The following TNRC18 variants were observed in gnomAD, a reference collection of about 807,000 sequenced individuals.
TNRC18 encodes the protein trinucleotide repeat-containing gene 18 protein.
In TNRC18, 69 loss-of-function variants were observed where a neutral mutation model predicts 226.7. The ratio of observed to expected loss-of-function variants is 0.30; its 90% CI spans 0.25 to 0.37. The LOEUF (loss-of-function observed/expected upper bound fraction) is 0.37. Among genes scored for constraint, TNRC18 ranks in the 10% least tolerant of loss-of-function variants. TNRC18 has a pLI of 1.00. For missense variants in TNRC18, 4,754 were observed against 4,256.6 expected, an observed-to-expected ratio of 1.12 and a Z score of -3.25; for synonymous variants, 2,449 against 1,927.6, an observed-to-expected ratio of 1.27 and a Z score of -7.09.
rs771131538 is a variant in TNRC18 at position 5,421,045 on chromosome 7, G to A, written c.187+15C>T. The A allele has an allele frequency of 6.5e-7, 1 of 1,527,970 alleles. No individual in the cohort carries two copies. The highest frequency in any genetic ancestry group is 8.9e-7 in the Non-Finnish European group (1 of 1,128,980). 94.7% of individuals were successfully genotyped at this position (1,527,970 alleles called of 1,614,324 possible). ...GGGAAGACAGGAGGGGACGGGCACG[G>A]CGCGGGGCACTTACCCGGGTGCGGA... On this transcript the variant is annotated intron_variant, in intron 2 of 29. Coordinates refer to ENST00000430969, the MANE Select transcript of TNRC18 (RefSeq NM_001080495.3).
In TNRC18 at chr7:5,388,399, G is replaced by A. The variant is rs776957885; in HGVS notation, c.1425C>T (p.Cys475=). ...LLKPEADPRP[C]ERAPRGPAGP... is the part of the protein sequence containing the mutation. Reference sequence around the variant, plus strand: ...CGGCTGGGCCGCGGGGCGCACGCTCGCAGGGCCTCGGGTCCGCCTCGGGCT... The same window carrying A: ...CGGCTGGGCCGCGGGGCGCACGCTCACAGGGCCTCGGGTCCGCCTCGGGCT... The change falls in exon 5 of 30, where the codon TGC becomes TGT. Residue 475 remains cysteine (C), a synonymous_variant. Coordinates refer to ENST00000430969, the MANE Select transcript of TNRC18 (RefSeq NM_001080495.3). 25 of 1,506,368 alleles carry A rather than the reference G, an allele frequency of 1.7e-5. No individual in the cohort carries two copies. The highest frequency in any genetic ancestry group is 2.4e-5 in the Admixed American group (1 of 41,586). The allele number at this position is 1,506,368 out of a possible 1,614,324, so 93.3% of individuals were successfully genotyped here. A position where few individuals can be genotyped will look rare whatever the true frequency, so the allele number is the denominator to read the frequency against.
intron 19 of TNRC18, among the ~76,000 whole-genome samples, chr7:5,330,665 C>T (rs1789431748): frequency 6.6e-6 from 1 of 151,926 alleles, no homozygotes. Flanking sequence ...CTATGTGCTA[C>T]CTGGTAGCAT....
chr7:5,357,382 CTG>C (rs1405800003), intron 15 of TNRC18, 106 bp from the exon 16 acceptor site: 3 of 1,251,960 alleles, frequency 2.4e-6, no homozygotes, highest in East Asian at 2.5e-5. Flanking sequence ...TCACCTGCCT[CTG>C]TGATTTAACT....
intron 4 of TNRC18, 50 bp downstream of exon 4, chr7:5,390,435 G>T: frequency 6.2e-7 from 1 of 1,606,172 alleles, no homozygotes; most frequent in Non-Finnish European, 8.5e-7. Context: ...GGCCCCAGAA[G>T]CCTCTCAGAA....
intron 5 of TNRC18, among the ~76,000 whole-genome samples, chr7:5,384,254 C>G (rs1396280356): frequency 6.6e-6 from 1 of 152,134 alleles, no homozygotes; most frequent in Non-Finnish European, 1.5e-5. Context: ...AGGCGTGAGC[C>G]ACCACGCCCA....
chr7:5,361,123 C>A lies in TNRC18; in HGVS notation c.4661+471G>T, dbSNP rs369999886. 4.6e-4 allele frequency among the ~76,000 whole-genome samples: 70 copies of A among 152,318 alleles called. No individual in the cohort carries two copies. The Middle Eastern group carries it at 0.01, about 22-fold the overall frequency. On this transcript the variant is annotated intron_variant, in intron 14 of 29. Coordinates refer to ENST00000430969, the MANE Select transcript of TNRC18 (RefSeq NM_001080495.3). ...AGGTGCCCCACAAGGCTGCGACCGC[C>A]GCCCGAGGAGGAGAAGCTTGTCCCC...
At chr7:5,356,525 C>T (rs1480134777) in intron 16 of TNRC18, among the ~76,000 whole-genome samples, 1 of 152,268 alleles carries the variant, frequency 6.6e-6, no homozygotes, top group African/African-American at 2.4e-5. Flanking sequence ...CCCTCAAGAG[C>T]AGTCGCGCTC....
intron 18 of TNRC18, among the ~76,000 whole-genome samples, chr7:5,342,009 G>A (rs890370480): frequency 7.2e-5 from 11 of 152,214 alleles, no homozygotes; most frequent in African/African-American, 1.9e-4. Context: ...GCCCATAGAT[G>A]AAGGAGTAAT....
chr7:5,368,061 AAAC>A (rs1227618845), intron 11 of TNRC18, among the ~76,000 whole-genome samples: 1 of 151,876 alleles, frequency 6.6e-6, no homozygotes, highest in Non-Finnish European at 1.5e-5. Context: ...GAAAAAAAAA[AAAC>A]AACTTTGTTT....
In TNRC18 at chr7:5,390,573, C is replaced by T; in HGVS notation, c.399G>A (p.Leu133=). ...LYPSYLHLNH[L]EPPSSGSPLL... Reference sequence around the variant, plus strand: ...GGGGGCTCCCACTGCTGGGGGGCTCCAGGTGGTTCAGGTGGAGGTAGGATG... The same window carrying T: ...GGGGGCTCCCACTGCTGGGGGGCTCTAGGTGGTTCAGGTGGAGGTAGGATG... Residue 133 remains leucine, a synonymous_variant, in exon 4 of 30, where the codon CTG becomes CTA. Transcript: ENST00000430969. The T allele has an allele frequency of 1.2e-6, 2 of 1,612,726 alleles. No individual in the cohort carries two copies. The highest frequency in any genetic ancestry group is 8.5e-7 in the Non-Finnish European group (1 of 1,179,382).
chr7:5,333,086 G>A lies in TNRC18; in HGVS notation c.5720-37C>T, dbSNP rs564689644. 10 of 1,540,854 alleles carry A rather than the reference G, an allele frequency of 6.5e-6. No homozygotes were observed. In the East Asian group the frequency reaches 1.9e-4, roughly 30 times the overall value. ...AGGAGGGCGTGCTGGTCACAGCCTC[G>A]TGGGGACCCCTTCCCTCCCACCCAG... On this transcript the variant is annotated intron_variant, in intron 18 of 29. Coordinates refer to ENST00000430969, the MANE Select transcript of TNRC18 (RefSeq NM_001080495.3).
chr7:5,308,919 G>A lies in TNRC18; in HGVS notation c.8656C>T (p.Pro2886Ser), dbSNP rs757553080. The change falls in exon 29 of 30, where the codon CCG becomes TCG. Residue 2886 changes from proline (P) to serine (S), a missense_variant. Coordinates refer to ENST00000430969, the MANE Select transcript of TNRC18 (RefSeq NM_001080495.3). ...HWDQKSSRSLPAALRVSSQRK... is the reference protein window; with the variant it reads ...HWDQKSSRSLSAALRVSSQRK... ...TGGCTGGAGACCCGCAGGGCCGCCG[G>A]GAGGCTGCGGCTGGACTTCTGGTCC... 1.2e-6 allele frequency: 2 copies of A among 1,601,500 alleles called. No individual in the cohort carries two copies. Among genetic ancestry groups the A allele is most frequent in the Non-Finnish European group, 8.5e-7 (1 of 1,175,394 alleles).
intron 10 of TNRC18, among the ~76,000 whole-genome samples, chr7:5,372,092 C>T (rs541605029): frequency 6.7e-6 from 1 of 149,718 alleles, no homozygotes; most frequent in Non-Finnish European, 1.5e-5. Context: ...TTTTGAGACG[C>T]AGTCTCGCTC....
In TNRC18 at chr7:5,361,668, C is replaced by T. The variant is rs371268704; in HGVS notation, c.4587G>A (p.Pro1529=). The T allele has an allele frequency of 3.7e-5, 58 of 1,562,996 alleles. No individual in the cohort carries two copies. The highest frequency in any genetic ancestry group is 1.5e-4 in the African/African-American group (11 of 73,016). ...RSLARRGPGR[P]RKRTHAPSAL... ...CGCTCGGGGCGTGGGTCCGTTTCCG[C>T]GGCCTGCCAGGGCCTCTGCGTGCCA... Residue 1529 remains proline (P), a synonymous_variant, in exon 14 of 30, where the codon CCG becomes CCA. Coordinates refer to ENST00000430969, the MANE Select transcript of TNRC18 (RefSeq NM_001080495.3).
intron 18 of TNRC18, among the ~76,000 whole-genome samples, chr7:5,344,837 C>A (rs1296516108): frequency 6.6e-6 from 1 of 152,172 alleles, no homozygotes. Flanking sequence ...ACAGGGAGGG[C>A]CCACGAGAGG....
chr7:5,339,435 T>C (rs985342535), intron 18 of TNRC18, among the ~76,000 whole-genome samples: 2 of 152,044 alleles, frequency 1.3e-5, no homozygotes, highest in African/African-American at 4.8e-5. Flanking sequence ...AGATGGGCTT[T>C]CACCATGTTG....
At chr7:5,392,042 T>A (rs746085965) in intron 3 of TNRC18, among the ~76,000 whole-genome samples, 4 of 151,820 alleles carry the variant, frequency 2.6e-5, no homozygotes, top group Non-Finnish European at 5.9e-5. Flanking sequence ...AGGCCAGGGA[T>A]GCAGGACCTG....
At chr7:5,332,595 G>A (rs369891276) in intron 19 of TNRC18, 27 bp downstream of exon 19, 92 of 1,508,336 alleles carry the variant, frequency 6.1e-5, no homozygotes, top group Non-Finnish European at 7.4e-5. Context: ...ACCCTTCTGC[G>A]GCACCCCCTC....
At chr7:5,385,996 A>AAAG (rs1779757022) in intron 5 of TNRC18, among the ~76,000 whole-genome samples, 1 of 149,638 alleles carries the variant, frequency 6.7e-6, no homozygotes, top group Non-Finnish European at 1.5e-5. Context: ...AAAAAAAAAA[A>AAAG]AAAAAAAAAA....
Sources: allele counts gnomAD v4.1 joint callset (sites outside exome capture counted in the v4.1 genomes callset), GRCh38; gene constraint gnomAD v4.1.1; transcripts MANE v1.5; gene names NCBI Gene and HGNC (gene_info 2026-07-23, HGNC 2026-07-21).